LAMA5: variants seen among roughly 807,000 people sequenced by gnomAD.
LAMA5 encodes the protein laminin subunit alpha-5.
LAMA5 carries 260 observed loss-of-function variants against 433.4 expected under a neutral mutation model. The observed-to-expected ratio is 0.60, with a 90% CI of 0.54 to 0.66. LAMA5 has a LOEUF of 0.66. Ranked by LOEUF, LAMA5 falls within the 30% of genes least tolerant of loss-of-function variation. LAMA5 has a pLI of 0.00. For missense variants in LAMA5, 5,378 were observed against 5,258.5 expected, an observed-to-expected ratio of 1.02 and a Z score of -0.70; for synonymous variants, 2,620 against 2,226.6, an observed-to-expected ratio of 1.18 and a Z score of -4.97.
chr20:62,323,924 C>T, intron 43 of LAMA5, 68 bp from the exon 44 acceptor site: 2 of 1,494,784 alleles, frequency 1.3e-6, no homozygotes, highest in Non-Finnish European at 1.8e-6. Flanking sequence ...GCACACTGTG[C>T]TCCGGCTGGA....
rs1165162704 is a variant in LAMA5, at chr20:62,314,790, C to G, written c.8196+9G>C. ...CTGATGTCCACCTTCCCCTGGGACT[C>G]TCACCCACCTTACTGGCAGCCCCCC... On this transcript the variant is annotated intron_variant, in intron 60 of 79. Coordinates refer to ENST00000252999, the MANE Select transcript of LAMA5 (RefSeq NM_005560.6). The G allele has an allele frequency of 1.2e-6, 2 of 1,612,896 alleles. No homozygotes were observed. The highest frequency in any genetic ancestry group is 1.7e-6 in the Non-Finnish European group (2 of 1,179,946).
intron 31 of LAMA5, 133 bp downstream of exon 31, chr20:62,330,355 G>GT: frequency 7.7e-7 from 1 of 1,299,946 alleles, no homozygotes; most frequent in Non-Finnish European, 1.0e-6. Context: ...AGGGCAGCTA[G>GT]TTTGAGAACT....
Position 62,316,864 on chromosome 20 carries a change from G to A in LAMA5, c.7653+18C>T, listed in dbSNP as rs774709638. The A allele has an allele frequency of 1.6e-4, 245 of 1,531,736 alleles. No homozygotes were observed. The highest frequency in any genetic ancestry group is 8.0e-4 in the Middle Eastern group (4 of 5,018). 94.9% of individuals were successfully genotyped at this position (1,531,736 alleles called of 1,614,324 possible). A position where few individuals can be genotyped will look rare whatever the true frequency, so the allele number is the denominator to read the frequency against. ...GGGGGCGCTCCTGCTGGGGCTGAGG[G>A]GAAGTGAGGGGCCTCACCGCCCACG... On this transcript the variant is annotated intron_variant, in intron 56 of 79. Coordinates refer to ENST00000252999, the MANE Select transcript of LAMA5 (RefSeq NM_005560.6).
chr20:62,321,961 T>C (rs1243695079), intron 48 of LAMA5, 58 bp downstream of exon 48: 1 of 1,525,136 alleles, frequency 6.6e-7, no homozygotes, highest in African/African-American at 1.4e-5. Context: ...CACCAGGCTG[T>C]GTGGGACTTG....
chr20:62,322,664 GC>G lies in LAMA5; in HGVS notation c.6158del (p.Arg2053ProfsTer156). 1 of 1,506,578 alleles carries G rather than the reference GC, an allele frequency of 6.6e-7. No individual in the cohort carries two copies. Among genetic ancestry groups the G allele is most frequent in the Non-Finnish European group, 8.9e-7 (1 of 1,121,438 alleles). The allele number at this position is 1,506,578 out of a possible 1,614,324, so 93.3% of individuals were successfully genotyped here. ...GCTTACCCCACAGCCCTACCTGGCA[GC>G]GGTCACAGCGCCGCCCAGTCACGCC... ...KAGVTGRRCD[R>X]CQEGHFGFDG... On this transcript the variant is annotated frameshift_variant, in exon 46 of 80. Coordinates refer to ENST00000252999, the MANE Select transcript of LAMA5 (RefSeq NM_005560.6). LOFTEE classifies it high-confidence loss of function.
chr20:62,361,193 AG>A (rs1159100124), intron 2 of LAMA5, among the ~76,000 whole-genome samples: 3 of 151,616 alleles, frequency 2.0e-5, no homozygotes, highest in Admixed American at 2.0e-4. Context: ...GGGACAGGGG[AG>A]TCAGATGCGG....
Position 62,312,505 on chromosome 20 carries a change from G to A in LAMA5, c.9255C>T (p.Gly3085=), listed in dbSNP as rs1289839933. 2 of 1,598,850 alleles carry A rather than the reference G, an allele frequency of 1.3e-6. No individual in the cohort carries two copies. Among genetic ancestry groups the A allele is most frequent in the Middle Eastern group, 1.7e-4 (1 of 6,052 alleles). Reference sequence around the variant, plus strand: ...TGCCTTTGACGCAGCCACGGACTGAGCCTCCGGTGGGGAAGAGCCGTCGCA... The same window carrying A: ...TGCCTTTGACGCAGCCACGGACTGAACCTCCGGTGGGGAAGAGCCGTCGCA... The part of the protein sequence containing the change: ...PSLRRLFPTG[G]SVRGCVKGIK... Residue 3085 remains glycine, a synonymous_variant, in exon 68 of 80, where the codon GGC becomes GGT. Transcript: ENST00000252999.
Position 62,338,311 on chromosome 20 carries a change from C to G in LAMA5, c.1677G>C (p.Gln559His). 1 of 1,606,870 alleles carries G rather than the reference C, an allele frequency of 6.2e-7. No individual in the cohort carries two copies. The highest frequency in any genetic ancestry group is 1.3e-5 in the African/African-American group (1 of 74,982). Residue 559 changes from glutamine (Q) to histidine (H), a missense_variant, in exon 13 of 80, where the codon CAG (glutamine) becomes CAC (histidine). Coordinates refer to ENST00000252999, the MANE Select transcript of LAMA5 (RefSeq NM_005560.6). ...CCTCGAAGCCCACTCGGCACCTGCACTGGCCTGTGTCAGGGTCACAGCGGT... is the reference window on the plus strand; with the variant it reads ...CCTCGAAGCCCACTCGGCACCTGCAGTGGCCTGTGTCAGGGTCACAGCGGT... ...ADDRCDPDTG[Q>H]CRCRVGFEGA...
intron 16 of LAMA5, 112 bp from the exon 17 acceptor site, chr20:62,336,898 AG>A: frequency 1.9e-6 from 2 of 1,077,164 alleles, no homozygotes; most frequent in Non-Finnish European, 2.8e-6. Flanking sequence ...GGACCAGCAC[AG>A]GTGCCTCTCA....
chr20:62,345,525 G>T, intron 11 of LAMA5: 1 of 524,168 alleles, frequency 1.9e-6, no homozygotes, highest in South Asian at 1.7e-5. Context: ...TTCCACCTCA[G>T]CCTCCGGAGT....
In LAMA5 at chr20:62,346,558, G is replaced by A. The variant is rs754366924; in HGVS notation, c.1230C>T (p.Pro410=). The A allele has an allele frequency of 1.7e-5, 26 of 1,567,054 alleles. No homozygotes were observed. The East Asian group carries it at 2.1e-4, about 13-fold the overall frequency. The change falls in exon 9 of 80, where the codon CCC becomes CCT. Residue 410 remains proline, a synonymous_variant. Transcript: ENST00000252999. ...TTGVNCERCL[P]GFYRSPNHPL... ...GGTGGTTGGGAGAGCGGTAGAAGCCGGGCAGGCAGCGCTCACAGTTGACGC... is the reference window on the plus strand; with the variant it reads ...GGTGGTTGGGAGAGCGGTAGAAGCCAGGCAGGCAGCGCTCACAGTTGACGC...
In LAMA5 at chr20:62,333,108, G is replaced by A; in HGVS notation, c.3264C>T (p.Ile1088=). Residue 1088 remains isoleucine, a synonymous_variant, in exon 26 of 80, where the codon ATC becomes ATT. Transcript: ENST00000252999. ...CACGCACATCACTGCCCGTGCAGGT[G>A]ATCAGTGGCGGGTGCGACGGGCTGA... The part of the protein sequence containing the change: ...EQLSPSHPPL[I]TCTGSDVDVQ... 9 of 1,507,896 alleles carry A rather than the reference G, an allele frequency of 6.0e-6. No individual in the cohort carries two copies. The highest frequency in any genetic ancestry group is 8.0e-6 in the Non-Finnish European group (9 of 1,130,458). The allele number at this position is 1,507,896 out of a possible 1,614,324, so 93.4% of individuals were successfully genotyped here.
At chr20:62,323,692 G>A (rs1978743740) in intron 44 of LAMA5, 22 bp from the exon 45 acceptor site, 1 of 1,595,680 alleles carries the variant, frequency 6.3e-7, no homozygotes, top group Non-Finnish European at 8.6e-7. Flanking sequence ...GTGGGGAGGG[G>A]CCGTCAGTGG....
In LAMA5 at chr20:62,312,251, C is replaced by T. The variant is rs144900016; in HGVS notation, c.9426G>A (p.Pro3142=). The T allele has an allele frequency of 2.8e-5, 45 of 1,610,852 alleles. No homozygotes were observed. The highest frequency in any genetic ancestry group is 1.7e-4 in the Middle Eastern group (1 of 6,056). Residue 3142 remains proline (P), a synonymous_variant, in exon 69 of 80, where the codon CCG becomes CCA. Transcript: ENST00000252999. ...FLRLALSNVA[P]LTGNVYSGFG... is the part of the protein sequence containing the mutation. The stretch of plus-strand genomic sequence containing the variant: ...AGCCGGAGTAGACGTTGCCAGTGAG[C>T]GGTGCCACGTTCGAGAGCGCCAGGC...
chr20:62,352,482 C>G (rs623834), intron 3 of LAMA5, 122 bp from the exon 4 acceptor site: 1 of 702,198 alleles, frequency 1.4e-6, no homozygotes, highest in Non-Finnish European at 2.4e-6. Context: ...CAAGAGGCCG[C>G]GTGACAGAGA....
At chr20:62,326,578 C>A (rs750931761) in intron 40 of LAMA5, 99 bp downstream of exon 40, 12 of 986,318 alleles carry the variant, frequency 1.2e-5, no homozygotes, top group Non-Finnish European at 1.7e-5. Context: ...CTGTTTTCCA[C>A]CACGGAGAAT....
At position 62,359,839 on chromosome 20, in the gene LAMA5, G is replaced by A. The variant is rs960830504; in HGVS notation, c.450+2561C>T. The stretch of plus-strand genomic sequence containing the variant: ...CCCCTGCGCCAGCCCCTGCCCCACC[G>A]CACACCAGGGGTATGAGATCCGAAC... On this transcript the variant is annotated intron_variant, in intron 2 of 79. Transcript: ENST00000252999. This position sits in a 1 kb window ranked among gnomAD's most constrained non-coding sequence, Gnocchi z 4.3. 5.3e-5 allele frequency among the ~76,000 whole-genome samples: 8 copies of A among 151,788 alleles called. No homozygotes were observed. Among genetic ancestry groups the A allele is most frequent in the Non-Finnish European group, 8.8e-5 (6 of 67,888 alleles).
At position 62,322,369 on chromosome 20, in the gene LAMA5, G is replaced by A. The variant is rs756960955; in HGVS notation, c.6246C>T (p.His2082=). The A allele has an allele frequency of 1.2e-5, 19 of 1,592,096 alleles. No individual in the cohort carries two copies. The highest frequency in any genetic ancestry group is 2.3e-5 in the South Asian group (2 of 88,434). ...CGPAAEGSEC[H]PQSGQCHCRP... is the part of the protein sequence containing the mutation. ...GGCAGTGGCACTGTCCGCTCTGGGGGTGGCACTCGGAGCCCTCGGCGGCCG... is the reference window on the plus strand; with the variant it reads ...GGCAGTGGCACTGTCCGCTCTGGGGATGGCACTCGGAGCCCTCGGCGGCCG... Residue 2082 remains histidine (H), a synonymous_variant, in exon 47 of 80, where the codon CAC becomes CAT. Transcript: ENST00000252999.
rs780697183 is a variant in LAMA5 at position 62,326,682 on chromosome 20, CCAGCTG to C, written c.5287_5292del (p.Gln1763_Leu1764del). On this transcript the variant is annotated inframe_deletion, in exon 40 of 80. Transcript: ENST00000252999. ...CCCAAGCCAGCTCCCCTCACCTCCACCAGCTGCAGCTGCCCACGGTGAACGTGGCCA... is the reference window on the plus strand; with the variant it reads ...CCCAAGCCAGCTCCCCTCACCTCCACCAGCTGCCCACGGTGAACGTGGCCA... 1 of 1,611,968 alleles carries C rather than the reference CCAGCTG, an allele frequency of 6.2e-7. No individual in the cohort carries two copies.
Sources: allele counts gnomAD v4.1 joint callset (sites outside exome capture counted in the v4.1 genomes callset), GRCh38; gene constraint gnomAD v4.1.1; non-coding constraint Gnocchi (gnomAD v3.1); transcripts MANE v1.5; gene names NCBI Gene and HGNC (gene_info 2026-07-23, HGNC 2026-07-21).